DLGAP1: variants seen among roughly 807,000 people sequenced by gnomAD.
DLGAP1 encodes the protein DLG associated protein 1.
A neutral mutation model predicts 90.8 loss-of-function variants in DLGAP1; 11 were observed. The ratio of observed to expected loss-of-function variants is 0.12; its 90% CI spans 0.08 to 0.20. The LOEUF (loss-of-function observed/expected upper bound fraction) is 0.20, where lower values mean the gene tolerates loss of function less well. DLGAP1 is among the 10% of genes least tolerant of loss of function. The pLI, the probability that DLGAP1 is intolerant of heterozygous loss-of-function variation, is 1.00. For missense variants in DLGAP1, 1,050 were observed against 1,333.8 expected, an observed-to-expected ratio of 0.79 and a Z score of 3.31; for synonymous variants, 558 against 540.7, an observed-to-expected ratio of 1.03 and a Z score of -0.44.
intron 7 of DLGAP1, among the ~76,000 whole-genome samples, chr18:3,683,003 C>T (rs1023616660): frequency 2.0e-5 from 3 of 152,044 alleles, no homozygotes; most frequent in Admixed American, 6.5e-5. Flanking sequence ...ATTACAGGCG[C>T]GTGCCCTCAC....
intron 1 of DLGAP1, among the ~76,000 whole-genome samples, chr18:4,452,558 T>C (rs1466249032): frequency 6.6e-6 from 1 of 152,196 alleles, no homozygotes; most frequent in East Asian, 1.9e-4. Flanking sequence ...ATGCAGTTTC[T>C]ATTCCCAAAT....
intron 5 of DLGAP1, among the ~76,000 whole-genome samples, chr18:3,746,332 G>C (rs936691219): frequency 6.6e-6 from 1 of 151,842 alleles, no homozygotes; most frequent in African/African-American, 2.4e-5. Flanking sequence ...AATGTTTTAT[G>C]AATAAAAAAA....
At chr18:3,806,186 A>G (rs1211347142) in intron 5 of DLGAP1, among the ~76,000 whole-genome samples, 1 of 152,220 alleles carries the variant, frequency 6.6e-6, no homozygotes, top group Non-Finnish European at 1.5e-5. Flanking sequence ...CTAATAACGA[A>G]CTATGCTGAC....
chr18:4,355,362 A>AT (rs1462087022), intron 1 of DLGAP1, among the ~76,000 whole-genome samples: 3 of 152,232 alleles, frequency 2.0e-5, no homozygotes, highest in African/African-American at 7.2e-5. Flanking sequence ...CAAAGGTTAC[A>AT]TATGGTGTGA....
At chr18:3,521,219 G>C (rs749156166) in intron 10 of DLGAP1, among the ~76,000 whole-genome samples, 83 of 152,210 alleles carry the variant, frequency 5.5e-4, no homozygotes, top group Non-Finnish European at 7.2e-4. Flanking sequence ...GGGGTACAAG[G>C]CTTGATCAAT....
chr18:3,793,537 C>A (rs935098317), intron 5 of DLGAP1, among the ~76,000 whole-genome samples: 30 of 152,182 alleles, frequency 2.0e-4, no homozygotes, highest in African/African-American at 7.0e-4. Context: ...AGATTTATCC[C>A]CTTAAAGTGC....
chr18:4,346,976 A>T (rs1308287365), intron 1 of DLGAP1, among the ~76,000 whole-genome samples: 1 of 152,114 alleles, frequency 6.6e-6, no homozygotes, highest in East Asian at 1.9e-4. Context: ...AGAAAACAAA[A>T]GGCAGAAGGT....
chr18:4,360,056 C>A (rs1020629252), intron 1 of DLGAP1, among the ~76,000 whole-genome samples: 8 of 152,008 alleles, frequency 5.3e-5, no homozygotes, highest in African/African-American at 1.9e-4. Flanking sequence ...GTTGTGTAGA[C>A]AATTATGGAG....
intron 1 of DLGAP1, among the ~76,000 whole-genome samples, chr18:4,188,246 T>C (rs1287786529): frequency 1.3e-5 from 2 of 152,188 alleles, no homozygotes; most frequent in African/African-American, 2.4e-5. Flanking sequence ...AATTCAGTCG[T>C]TCTAGAATCC....
At chr18:4,043,627 C>T (rs566242108) in intron 2 of DLGAP1, among the ~76,000 whole-genome samples, 1 of 152,228 alleles carries the variant, frequency 6.6e-6, no homozygotes, top group South Asian at 2.1e-4. Context: ...TTTTATACTT[C>T]AACATCCCCA....
Position 3,653,146 on chromosome 18 carries a change from C to T in DLGAP1, c.1592-70898G>A, listed in dbSNP as rs571409120. Among the ~76,000 whole-genome samples the T allele has an allele frequency of 1.3e-5, 2 of 152,298 alleles. No individual in the cohort carries two copies. Among genetic ancestry groups the T allele is most frequent in the Admixed American group, 1.3e-4 (2 of 15,284 alleles). Reference sequence around the variant, plus strand: ...TGTAGACCTAACATCTATCTCCCTGCTCCAGTTTCAAGAGAAAAGACCTTA... The same window carrying T: ...TGTAGACCTAACATCTATCTCCCTGTTCCAGTTTCAAGAGAAAAGACCTTA... On this transcript the variant is annotated intron_variant, in intron 7 of 12. Coordinates refer to ENST00000315677, the MANE Select transcript of DLGAP1 (RefSeq NM_004746.4). The surrounding 1 kb of genome is among the most constrained non-coding windows in gnomAD (Gnocchi z 4.6).
chr18:3,577,738 A>T (rs2055241212), intron 8 of DLGAP1, among the ~76,000 whole-genome samples: 1 of 152,104 alleles, frequency 6.6e-6, no homozygotes, highest in Non-Finnish European at 1.5e-5. Flanking sequence ...AGCTTTAGTC[A>T]TTGTATATAA....
intron 2 of DLGAP1, among the ~76,000 whole-genome samples, chr18:4,081,410 C>T (rs1178993939): frequency 6.6e-6 from 1 of 152,034 alleles, no homozygotes; most frequent in Non-Finnish European, 1.5e-5. Context: ...TCTTATACTT[C>T]TTACTCTGTT....
intron 7 of DLGAP1, among the ~76,000 whole-genome samples, chr18:3,695,327 C>T (rs770146578): frequency 5.9e-5 from 9 of 152,048 alleles, no homozygotes; most frequent in South Asian, 2.1e-4. Flanking sequence ...AGAGTTTTTA[C>T]GGTTTTAGGT....
rs201177965 is a variant in DLGAP1 at position 3,737,207 on chromosome 18, T to C, written c.1350+5128A>G. ...TACCAGAGGTACAAGGAGGAACTGG[T>C]ACCATTCCTTCTGAAACTATTCCAA... is the stretch of plus-strand genomic sequence containing the variant. On this transcript the variant is annotated intron_variant, in intron 6 of 12. Coordinates refer to ENST00000315677, the MANE Select transcript of DLGAP1 (RefSeq NM_004746.4). Among the ~76,000 whole-genome samples, 984 of 151,376 alleles carry C rather than the reference T, an allele frequency of 6.5e-3. 26 individuals carry two copies. The highest frequency in any genetic ancestry group is 0.046 in the Admixed American group (694 of 15,176).
At chr18:3,967,635 T>C (rs1273943453) in intron 3 of DLGAP1, among the ~76,000 whole-genome samples, 1 of 152,160 alleles carries the variant, frequency 6.6e-6, no homozygotes, top group Non-Finnish European at 1.5e-5. Flanking sequence ...AACATTATAG[T>C]CTCTAAAGAG....
At chr18:3,800,411 ATAAAT>A (rs1265880404) in intron 5 of DLGAP1, among the ~76,000 whole-genome samples, 20 of 152,262 alleles carry the variant, frequency 1.3e-4, no homozygotes, top group African/African-American at 4.1e-4. Flanking sequence ...AAGTGGTTGT[ATAAAT>A]TATAGTACAG....
At position 3,565,689 on chromosome 18, in the gene DLGAP1, G is replaced by T. The variant is rs895137476; in HGVS notation, c.2057+1801C>A. Reference sequence around the variant, plus strand: ...GTCTCTCTTAAAAATACAAAAATTAGCTGGGCGTGATGGTCCGTGCCTGTA... The same window carrying T: ...GTCTCTCTTAAAAATACAAAAATTATCTGGGCGTGATGGTCCGTGCCTGTA... On this transcript the variant is annotated intron_variant, in intron 9 of 12. Coordinates refer to ENST00000315677, the MANE Select transcript of DLGAP1 (RefSeq NM_004746.4). The surrounding 1 kb of genome is among the most constrained non-coding windows in gnomAD (Gnocchi z 4.0). Among the ~76,000 whole-genome samples the T allele has an allele frequency of 1.3e-5, 2 of 151,824 alleles. No individual in the cohort carries two copies. The highest frequency in any genetic ancestry group is 4.8e-5 in the African/African-American group (2 of 41,348).
intron 10 of DLGAP1, among the ~76,000 whole-genome samples, chr18:3,521,211 G>T (rs1023192673): frequency 6.6e-6 from 1 of 152,052 alleles, no homozygotes; most frequent in Non-Finnish European, 1.5e-5. Flanking sequence ...TACAATTAGG[G>T]GTACAAGGCT....
Sources: gnomAD v4.1 joint callset for allele counts (sites outside exome capture counted in the v4.1 genomes callset) on GRCh38, gnomAD v4.1.1 for gene constraint, Gnocchi (gnomAD v3.1) non-coding constraint, MANE v1.5 for transcripts, NCBI Gene and HGNC (gene_info 2026-07-23, HGNC 2026-07-21) for gene names.